The following FSTL5 variants were observed in gnomAD, a reference collection of about 807,000 sequenced individuals.
FSTL5 encodes follistatin-related protein 5.
FSTL5 carries 62 observed loss-of-function variants against 89.1 expected under a neutral mutation model. The ratio of observed to expected loss-of-function variants is 0.70; its 90% CI spans 0.57 to 0.86. The LOEUF (loss-of-function observed/expected upper bound fraction) is 0.86, where lower values mean the gene tolerates loss of function less well. Among genes scored for constraint, FSTL5 ranks in the 40% least tolerant of loss-of-function variants. The pLI is 0.00. For missense variants in FSTL5, 1,057 were observed against 1,001.6 expected (o/e 1.06, Z -0.75); for synonymous variants, 383 against 346.2 (o/e 1.11, Z -1.18).
Position 161,637,758 on chromosome 4 carries a change from AAGATC to A in FSTL5, c.894+18565_894+18569del, listed in dbSNP as rs1335016085. The stretch of plus-strand genomic sequence containing the variant: ...TTGCTTGTTTTTCTCAGGTTTGTCA[AAGATC>A]AGATAGTTGTAGATATGTGGCATTA... On this transcript the variant is annotated intron_variant, in intron 7 of 15. Transcript: ENST00000306100. Among the ~76,000 whole-genome samples, 4 of 118,696 alleles carry A rather than the reference AAGATC, an allele frequency of 3.4e-5. No individual in the cohort carries two copies. The Admixed American group carries it at 3.4e-4, about 10-fold the overall frequency. 77.9% of individuals were successfully genotyped at this position (118,696 alleles called of 152,430 possible). A position where few individuals can be genotyped will look rare whatever the true frequency, so the allele number is the denominator to read the frequency against.
At chr4:161,637,703 C>T (rs1735774874) in intron 7 of FSTL5, among the ~76,000 whole-genome samples, 1 of 116,602 alleles carries the variant, frequency 8.6e-6, no homozygotes, top group East Asian at 2.4e-4. Flanking sequence ...TTTCCCAGCA[C>T]CATTTATTAA....
intron 6 of FSTL5, among the ~76,000 whole-genome samples, chr4:161,728,744 A>C (rs1739505808): frequency 6.6e-6 from 1 of 152,158 alleles, no homozygotes; most frequent in African/African-American, 2.4e-5. Context: ...TGTAATAAAG[A>C]CTTGGAGAAC....
intron 3 of FSTL5, among the ~76,000 whole-genome samples, chr4:161,961,390 G>A (rs979093488): frequency 1.3e-5 from 2 of 152,006 alleles, no homozygotes; most frequent in Non-Finnish European, 2.9e-5. Flanking sequence ...GGGATTGCAG[G>A]CAAGGACCCC....
chr4:161,701,015 T>C (rs1277678662), intron 6 of FSTL5, among the ~76,000 whole-genome samples: 1 of 152,202 alleles, frequency 6.6e-6, no homozygotes, highest in Non-Finnish European at 1.5e-5. Context: ...ATAATAACTA[T>C]GGAGGCATAT....
At chr4:161,993,674 C>T (rs1186107839) in intron 3 of FSTL5, among the ~76,000 whole-genome samples, 4 of 151,862 alleles carry the variant, frequency 2.6e-5, no homozygotes, top group Non-Finnish European at 5.9e-5. Flanking sequence ...CTTTTAAAAA[C>T]GTTGACTTTG....
intron 7 of FSTL5, among the ~76,000 whole-genome samples, chr4:161,633,433 G>T (rs1735571364): frequency 6.6e-6 from 1 of 151,664 alleles, no homozygotes; most frequent in Non-Finnish European, 1.5e-5. Context: ...TGCAACCTCT[G>T]CCTCCCGGGT....
At chr4:162,127,542 A>C (rs1200399194) in intron 1 of FSTL5, among the ~76,000 whole-genome samples, 1 of 152,218 alleles carries the variant, frequency 6.6e-6, no homozygotes, top group African/African-American at 2.4e-5. Flanking sequence ...GCATTTAATG[A>C]CAACATATAT....
At chr4:162,153,632 A>AATAATATATAT (rs1561048729) in intron 1 of FSTL5, among the ~76,000 whole-genome samples, 24 of 64,896 alleles carry the variant, frequency 3.7e-4, no homozygotes, top group African/African-American at 1.1e-3. Flanking sequence ...ATATGTATAT[A>AATAATATATAT]ATAATATATG....
chr4:161,489,595 T>G (rs1729796031), intron 12 of FSTL5, among the ~76,000 whole-genome samples: 1 of 152,162 alleles, frequency 6.6e-6, no homozygotes, highest in African/African-American at 2.4e-5. Flanking sequence ...AGTTTTGAAT[T>G]GTATAGGAGC....
In FSTL5 at chr4:161,396,677, G is replaced by A. The variant is rs374997752; in HGVS notation, c.1842-10228C>T. 1.8e-3 allele frequency among the ~76,000 whole-genome samples: 261 copies of A among 146,870 alleles called. 1 individual carries two copies. The highest frequency in any genetic ancestry group is 6.1e-3 in the African/African-American group (244 of 39,732). Reference sequence around the variant, plus strand: ...TTAAAAAAAAAAAAAAAGAAAAGAAGTAAGACGCAATATGGGATATAAGCC... The same window carrying A: ...TTAAAAAAAAAAAAAAAGAAAAGAAATAAGACGCAATATGGGATATAAGCC... On this transcript the variant is annotated intron_variant, in intron 15 of 15. Transcript: ENST00000306100.
intron 6 of FSTL5, among the ~76,000 whole-genome samples, chr4:161,750,605 T>TAA (rs1740360799): frequency 6.6e-6 from 1 of 152,138 alleles, no homozygotes; most frequent in East Asian, 1.9e-4. Flanking sequence ...ATAAAAGTGA[T>TAA]AGTTTGGGCA....
chr4:162,153,935 A>G (rs1396917254), intron 1 of FSTL5, among the ~76,000 whole-genome samples: 1 of 151,252 alleles, frequency 6.6e-6, no homozygotes, highest in African/African-American at 2.4e-5. Context: ...CCTCCCGAGT[A>G]GCTGGGATTA....
chr4:161,619,483 T>C (rs201094832), intron 7 of FSTL5, among the ~76,000 whole-genome samples: 8 of 151,970 alleles, frequency 5.3e-5, no homozygotes, highest in Non-Finnish European at 7.4e-5. Context: ...TGAACTCAAA[T>C]AAATTTACAA....
chr4:161,476,173 G>GTTTTTTTTTTTTTTT (rs1231231673), intron 13 of FSTL5, among the ~76,000 whole-genome samples: 121 of 80,464 alleles, frequency 1.5e-3, no homozygotes, highest in Non-Finnish European at 1.7e-3. Flanking sequence ...AAGTTTGCTG[G>GTTTTTTTTTTTTTTT]TTTTTTTTTT....
chr4:161,702,737 G>T (rs541360665), intron 6 of FSTL5, among the ~76,000 whole-genome samples: 17 of 152,200 alleles, frequency 1.1e-4, no homozygotes, highest in African/African-American at 3.6e-4. Context: ...TTCCTTAAAA[G>T]ATTATTGACT....
At chr4:161,976,349 C>A (rs1032017273) in intron 3 of FSTL5, among the ~76,000 whole-genome samples, 5 of 152,018 alleles carry the variant, frequency 3.3e-5, no homozygotes, top group African/African-American at 4.8e-5. Flanking sequence ...GATATGCATA[C>A]GGGCTGGTAA....
chr4:161,409,772 A>T (rs141942001), intron 15 of FSTL5, among the ~76,000 whole-genome samples: 1 of 152,356 alleles, frequency 6.6e-6, no homozygotes, highest in East Asian at 1.9e-4. Context: ...CCACAAAAGC[A>T]CACATGAACA....
intron 3 of FSTL5, among the ~76,000 whole-genome samples, chr4:161,933,324 C>T (rs190988923): frequency 2.6e-5 from 4 of 152,152 alleles, no homozygotes; most frequent in Non-Finnish European, 4.4e-5. Context: ...CTTTCCTCTG[C>T]CCACCTTCTC....
intron 6 of FSTL5, among the ~76,000 whole-genome samples, chr4:161,694,842 C>CTTTTTT (rs34276732): frequency 1.9e-5 from 2 of 106,196 alleles, no homozygotes; most frequent in African/African-American, 7.3e-5. Context: ...TTCTAAATGC[C>CTTTTTT]TTTTTTTTTT....
Sources: gnomAD v4.1 joint callset for allele counts (sites outside exome capture counted in the v4.1 genomes callset) on GRCh38, gnomAD v4.1.1 for gene constraint, MANE v1.5 for transcripts, NCBI Gene and HGNC (gene_info 2026-07-23, HGNC 2026-07-21) for gene names.